Variants in KLHL18 observed in about 807,000 individuals in gnomAD.
KLHL18 encodes kelch-like protein 18.
In KLHL18, 38 loss-of-function variants were observed where a neutral mutation model predicts 58.5. The observed-to-expected ratio is 0.65, with a 90% confidence interval of 0.50 to 0.85. KLHL18 has a LOEUF of 0.85. KLHL18 is among the 40% of genes least tolerant of loss of function. KLHL18 has a pLI of 0.00. For synonymous variants in KLHL18, 303 were observed against 301.9 expected (o/e 1.00, Z -0.04); for missense variants, 624 against 778.4 (o/e 0.80, Z 2.36).
chr3:47,329,316 C>T (rs973342737), intron 3 of KLHL18, among the ~76,000 whole-genome samples: 2 of 152,136 alleles, frequency 1.3e-5, no homozygotes, highest in Admixed American at 1.3e-4. Flanking sequence ...CAAGCTCCGC[C>T]TCCTGGGTTC....
At chr3:47,300,125 C>G (rs1374239658) in intron 1 of KLHL18, among the ~76,000 whole-genome samples, 1 of 150,930 alleles carries the variant, frequency 6.6e-6, no homozygotes, top group Admixed American at 6.6e-5. Flanking sequence ...CTCCCGCTGT[C>G]TTCCCCTTTT....
chr3:47,328,950 T>C (rs952305590), intron 3 of KLHL18, among the ~76,000 whole-genome samples: 1 of 151,794 alleles, frequency 6.6e-6, no homozygotes. Flanking sequence ...GACAACATGG[T>C]GAATCCCTGT....
rs779666624 is a variant in KLHL18, at chr3:47,342,882, T to TAA, written c.1338+52_1338+53insAA. ...GGGTACCTACTTCTGTCTTTGAGAT[T>TAA]TATTTTAGAAGATCATTATTTGAAA... On this transcript the variant is annotated intron_variant, in intron 9 of 9. Transcript: ENST00000232766. The TAA allele has an allele frequency of 1.1e-4, 154 of 1,345,774 alleles. 2 individuals are homozygous for TAA. The African/African-American group carries it at 2.0e-3, about 17-fold the overall frequency. 83.4% of individuals were successfully genotyped at this position (1,345,774 alleles called of 1,614,324 possible). A position where few individuals can be genotyped will look rare whatever the true frequency, so the allele number is the denominator to read the frequency against.
chr3:47,287,489 TTC>T (rs1227183090), intron 1 of KLHL18: 5 of 151,840 alleles, frequency 3.3e-5, no homozygotes, highest in East Asian at 1.9e-4. Context: ...GTATTTTTTT[TTC>T]TCTCTTTTTT....
In KLHL18 at chr3:47,301,754, TTACAGATAACA is replaced by T. The variant is rs555329319; in HGVS notation, c.130-17896_130-17886del. 2.0e-4 allele frequency among the ~76,000 whole-genome samples: 31 copies of T among 152,330 alleles called. 1 individual carries two copies. In the South Asian group the frequency reaches 6.0e-3, roughly 30 times the overall value. ...GCCTACTGTTGACTAGAAGGAAACC[TTACAGATAACA>T]TAAACAGTCAATTAACTTTGTTTTG... is the stretch of plus-strand genomic sequence containing the variant. On this transcript the variant is annotated intron_variant, in intron 1 of 9. Coordinates refer to ENST00000232766, the MANE Select transcript of KLHL18 (RefSeq NM_025010.5).
At chr3:47,290,119 AC>A (rs751645492) in intron 1 of KLHL18, among the ~76,000 whole-genome samples, 213 of 152,318 alleles carry the variant, frequency 1.4e-3, no homozygotes, top group Non-Finnish European at 1.7e-3. Flanking sequence ...GAGATCTAAC[AC>A]AGCTGTTTAT....
intron 1 of KLHL18, among the ~76,000 whole-genome samples, chr3:47,302,690 G>A (rs1485546250): frequency 6.6e-6 from 1 of 152,090 alleles, no homozygotes; most frequent in Non-Finnish European, 1.5e-5. Flanking sequence ...AGTTCAAGCC[G>A]GTGTCGTTCA....
intron 1 of KLHL18, among the ~76,000 whole-genome samples, chr3:47,305,691 A>T (rs1022766443): frequency 6.6e-6 from 1 of 152,066 alleles, no homozygotes; most frequent in African/African-American, 2.4e-5. Flanking sequence ...TATTAATTCT[A>T]TTTTAAACAT....
chr3:47,342,629 C>T, intron 8 of KLHL18, 90 bp from the exon 9 acceptor site: 1 of 990,228 alleles, frequency 1.0e-6, no homozygotes, highest in Non-Finnish European at 1.6e-6. Context: ...AGATGGCCAG[C>T]ACAGTTCACC....
intron 8 of KLHL18, among the ~76,000 whole-genome samples, chr3:47,341,655 A>G (rs538564722): frequency 2.0e-5 from 3 of 152,322 alleles, no homozygotes; most frequent in African/African-American, 4.8e-5. Flanking sequence ...GAGAACAGCA[A>G]TGATCCTCTC....
At chr3:47,312,911 T>TG (rs1457740809) in intron 1 of KLHL18, among the ~76,000 whole-genome samples, 2 of 146,302 alleles carry the variant, frequency 1.4e-5, no homozygotes, top group African/African-American at 5.0e-5. Flanking sequence ...TTTAATTTTT[T>TG]TTTTTTTTTT....
chr3:47,308,750 G>A (rs574981572), intron 1 of KLHL18, among the ~76,000 whole-genome samples: 80 of 150,810 alleles, frequency 5.3e-4, no homozygotes, highest in African/African-American at 8.8e-4. Context: ...TCCTCTCATC[G>A]TCCTCAGTGT....
chr3:47,291,189 T>C (rs1334424648), intron 1 of KLHL18, among the ~76,000 whole-genome samples: 2 of 152,242 alleles, frequency 1.3e-5, no homozygotes, highest in African/African-American at 2.4e-5. Flanking sequence ...GCTTGTAGGC[T>C]AGTTGATGGA....
intron 3 of KLHL18, among the ~76,000 whole-genome samples, chr3:47,327,420 CG>C (rs1703752072): frequency 6.6e-6 from 1 of 152,166 alleles, no homozygotes; most frequent in Non-Finnish European, 1.5e-5. Context: ...GCTTCTGCCC[CG>C]TGGCATTTTG....
At chr3:47,320,999 A>G (rs575022324) in intron 2 of KLHL18, among the ~76,000 whole-genome samples, 11 of 152,176 alleles carry the variant, frequency 7.2e-5, no homozygotes, top group Non-Finnish European at 5.9e-5. Flanking sequence ...GTGCCCTCCT[A>G]TTCTCTGAGG....
chr3:47,291,140 T>A (rs1253525700), intron 1 of KLHL18, among the ~76,000 whole-genome samples: 4 of 152,230 alleles, frequency 2.6e-5, no homozygotes, highest in Non-Finnish European at 1.5e-5. Context: ...ATTCTGTACA[T>A]GAGACTCCAT....
At chr3:47,285,883 A>C (rs1576125970) in intron 1 of KLHL18, among the ~76,000 whole-genome samples, 2 of 152,284 alleles carry the variant, frequency 1.3e-5, no homozygotes, top group Admixed American at 1.3e-4. Context: ...CCCCATCTCT[A>C]CAAAAAATTA....
Position 47,344,047 on chromosome 3 carries a change from C to A in KLHL18, c.*106C>A. The A allele has an allele frequency of 2.1e-6, 3 of 1,422,760 alleles. No homozygotes were observed. Among genetic ancestry groups the A allele is most frequent in the Non-Finnish European group, 2.8e-6 (3 of 1,054,386 alleles). The allele number at this position is 1,422,760 out of a possible 1,614,324, so 88.1% of individuals were successfully genotyped here. A position where few individuals can be genotyped will look rare whatever the true frequency, so the allele number is the denominator to read the frequency against. ...CAGTGGACCAGAAGAGATGGCGAAA[C>A]GTGAGCTCGCCGGAGGTACAGTTTT... On this transcript the variant is annotated 3_prime_UTR_variant, in exon 10 of 10. Coordinates refer to ENST00000232766, the MANE Select transcript of KLHL18 (RefSeq NM_025010.5).
At position 47,344,308 on chromosome 3, in the gene KLHL18, T is replaced by C. The variant is rs1380131088; in HGVS notation, c.*367T>C. On this transcript the variant is annotated 3_prime_UTR_variant, in exon 10 of 10. Coordinates refer to ENST00000232766, the MANE Select transcript of KLHL18 (RefSeq NM_025010.5). ...CTGATGCTCCCCATCGCCTGCTTGC[T>C]CTCCAGCCGAGTCTGGCCAATTTGC... The C allele has an allele frequency of 3.5e-6, 1 of 287,682 alleles. No individual in the cohort carries two copies. The highest frequency in any genetic ancestry group is 5.1e-5 in the Admixed American group (1 of 19,436). 17.8% of individuals were successfully genotyped at this position (287,682 alleles called of 1,614,324 possible).
Sources: gnomAD v4.1 joint callset for allele counts (sites outside exome capture counted in the v4.1 genomes callset) on GRCh38, gnomAD v4.1.1 for gene constraint, MANE v1.5 for transcripts, NCBI Gene and HGNC (gene_info 2026-07-23, HGNC 2026-07-21) for gene names.